The following ENOX1 variants were observed in gnomAD, a reference collection of about 807,000 sequenced individuals.
ENOX1 encodes the protein candidate growth-related and time keeping constitutive hydroquinone (NADH) oxidase.
Under a neutral mutation model 82.5 loss-of-function variants are expected in ENOX1, and 42 were observed. The ratio of observed to expected loss-of-function variants is 0.51; its 90% CI spans 0.40 to 0.66. The LOEUF (loss-of-function observed/expected upper bound fraction) is 0.66. ENOX1 is among the 30% of genes least tolerant of loss of function. The pLI, the probability that ENOX1 is intolerant of heterozygous loss-of-function variation, is 0.00. For missense variants in ENOX1, 608 were observed against 811.6 expected (o/e 0.75, Z 3.05); for synonymous variants, 271 against 282.2 (o/e 0.96, Z 0.40).
chr13:43,316,797 C>G (rs1175320985), intron 11 of ENOX1, among the ~76,000 whole-genome samples: 1 of 150,454 alleles, frequency 6.6e-6, no homozygotes, highest in Non-Finnish European at 1.5e-5. Context: ...AGGAAAGAAA[C>G]AGGAAAGCCT....
intron 1 of ENOX1, among the ~76,000 whole-genome samples, chr13:43,770,722 CAG>C (rs1373153424): frequency 2.7e-5 from 4 of 150,806 alleles, no homozygotes; most frequent in Non-Finnish European, 5.9e-5. Context: ...CACACACACA[CAG>C]ACTCAAGAGA....
intron 12 of ENOX1, among the ~76,000 whole-genome samples, chr13:43,294,069 C>T (rs1487853401): frequency 6.6e-6 from 1 of 152,104 alleles, no homozygotes; most frequent in Non-Finnish European, 1.5e-5. Context: ...ACCAGGCCTG[C>T]ACCTTACTAA....
intron 2 of ENOX1, among the ~76,000 whole-genome samples, chr13:43,583,571 C>G (rs1195899290): frequency 6.6e-6 from 1 of 152,150 alleles, no homozygotes; most frequent in Non-Finnish European, 1.5e-5. Flanking sequence ...TAAACTTCCT[C>G]CCAGTTCTAA....
In ENOX1 at chr13:43,411,927, T is replaced by C. The variant is rs76824578; in HGVS notation, c.197A>G (p.Gln66Arg). Residue 66 changes from glutamine to arginine, a missense_variant, in exon 5 of 17, where the codon CAG becomes CGG. Gln to Arg is a conservative substitution (Grantham distance 43). Coordinates refer to ENST00000690772, the MANE Select transcript of ENOX1 (RefSeq NM_001347969.2). The part of the protein sequence containing the change: ...GMVPVGLPGQ[Q>R]LVSDSICVPG... ...AGGAGAAAGCTTACCAGACACGAGC[T>C]GCTGTCCAGGCAACCCTACGGGAAC... The C allele has an allele frequency of 4.3e-4, 687 of 1,614,188 alleles. 4 individuals carry two copies. The African/African-American group carries it at 5.5e-3, about 13-fold the overall frequency.
At chr13:43,468,402 C>T (rs903732458) in intron 3 of ENOX1, among the ~76,000 whole-genome samples, 2 of 151,830 alleles carry the variant, frequency 1.3e-5, no homozygotes, top group Non-Finnish European at 2.9e-5. Context: ...AGCATGGTCT[C>T]GACCTCTTGA....
intron 5 of ENOX1, among the ~76,000 whole-genome samples, chr13:43,391,977 C>A (rs2052806764): frequency 6.6e-6 from 1 of 152,186 alleles, no homozygotes; most frequent in Non-Finnish European, 1.5e-5. Context: ...ACCAGTTCCA[C>A]CTCAACCACC....
chr13:43,599,716 C>T (rs1007686620), intron 2 of ENOX1, among the ~76,000 whole-genome samples: 37 of 151,448 alleles, frequency 2.4e-4, no homozygotes, highest in African/African-American at 9.0e-4. Context: ...GTGCGAGTAC[C>T]GCCCCTCCAC....
intron 5 of ENOX1, among the ~76,000 whole-genome samples, chr13:43,395,563 A>G (rs1240037464): frequency 6.6e-6 from 1 of 152,202 alleles, no homozygotes. Flanking sequence ...TATTATCTAA[A>G]GTCCTTTCAA....
At chr13:43,562,560 C>G (rs575110313) in intron 2 of ENOX1, among the ~76,000 whole-genome samples, 1 of 152,218 alleles carries the variant, frequency 6.6e-6, no homozygotes, top group African/African-American at 2.4e-5. Flanking sequence ...GAACTAACCT[C>G]TACAACCAAA....
intron 2 of ENOX1, among the ~76,000 whole-genome samples, chr13:43,638,071 T>C (rs1365963880): frequency 6.6e-6 from 1 of 152,202 alleles, no homozygotes; most frequent in Non-Finnish European, 1.5e-5. Flanking sequence ...ACTCGTCCTC[T>C]AAGAGGATAT....
chr13:43,741,063 G>C (rs185110707), intron 1 of ENOX1, among the ~76,000 whole-genome samples: 3 of 148,024 alleles, frequency 2.0e-5, no homozygotes, highest in Non-Finnish European at 4.5e-5. Flanking sequence ...GTGCCAAACT[G>C]TTCTCCAAAA....
chr13:43,703,235 A>C (rs1199798645), intron 1 of ENOX1, among the ~76,000 whole-genome samples: 1 of 152,216 alleles, frequency 6.6e-6, no homozygotes, highest in Admixed American at 6.5e-5. Flanking sequence ...GAGGCATAGA[A>C]AAATGGGTAG....
chr13:43,462,640 A>G (rs2057539217), intron 3 of ENOX1, among the ~76,000 whole-genome samples: 1 of 152,230 alleles, frequency 6.6e-6, no homozygotes, highest in African/African-American at 2.4e-5. Context: ...GAACAACATT[A>G]TGTGCAAACA....
chr13:43,372,978 C>G (rs1457882046), intron 5 of ENOX1, among the ~76,000 whole-genome samples: 1 of 152,042 alleles, frequency 6.6e-6, no homozygotes, highest in African/African-American at 2.4e-5. Flanking sequence ...TTTACCCTGA[C>G]AGCATTGTTC....
chr13:43,597,894 G>C (rs893542548), intron 2 of ENOX1, among the ~76,000 whole-genome samples: 1 of 152,086 alleles, frequency 6.6e-6, no homozygotes, highest in Admixed American at 6.5e-5. Context: ...TGTACTTGCT[G>C]TTCCCTCTGC....
intron 1 of ENOX1, among the ~76,000 whole-genome samples, chr13:43,668,582 G>A (rs2085099782): frequency 6.6e-6 from 1 of 152,150 alleles, no homozygotes; most frequent in African/African-American, 2.4e-5. Context: ...ACCAGCATCT[G>A]TAGACATTGA....
chr13:43,706,638 TA>T (rs1388823807), intron 1 of ENOX1, among the ~76,000 whole-genome samples: 1 of 149,766 alleles, frequency 6.7e-6, no homozygotes, highest in Non-Finnish European at 1.5e-5. Flanking sequence ...AATATATGGG[TA>T]AAAATAAAAA....
intron 2 of ENOX1, among the ~76,000 whole-genome samples, chr13:43,485,913 A>G: frequency 6.6e-6 from 1 of 152,122 alleles, no homozygotes. Context: ...CTGTCTTTAC[A>G]AAAAATACAA....
intron 2 of ENOX1, among the ~76,000 whole-genome samples, chr13:43,571,279 AAT>A (rs1243467386): frequency 5.3e-5 from 8 of 152,196 alleles, no homozygotes; most frequent in Non-Finnish European, 2.9e-5. Flanking sequence ...TCATGCTGGT[AAT>A]AAAGCTTATG....
Sources: allele counts gnomAD v4.1 joint callset (sites outside exome capture counted in the v4.1 genomes callset), GRCh38; gene constraint gnomAD v4.1.1; transcripts MANE v1.5; gene names NCBI Gene and HGNC (gene_info 2026-07-23, HGNC 2026-07-21).